The following SBK1 variants were observed in gnomAD, a reference collection of about 807,000 sequenced individuals.
SBK1 encodes the protein SH3 domain binding kinase 1.
SBK1 carries 11 observed loss-of-function variants against 24.4 expected under a neutral mutation model. The ratio of observed to expected loss-of-function variants is 0.45; its 90% confidence interval spans 0.28 to 0.75. SBK1 has a LOEUF of 0.75. Among genes scored for constraint, SBK1 ranks in the 30% least tolerant of loss-of-function variants. The pLI is 0.12. For missense variants in SBK1, 467 were observed against 620.5 expected, an observed-to-expected ratio of 0.75 and a Z score of 2.63; for synonymous variants, 308 against 284.4, an observed-to-expected ratio of 1.08 and a Z score of -0.83.
chr16:28,296,747 C>T (rs1178382572), intron 1 of SBK1, among the ~76,000 whole-genome samples: 1 of 152,134 alleles, frequency 6.6e-6, no homozygotes, highest in African/African-American at 2.4e-5. Flanking sequence ...CTAGTGACAT[C>T]CAGCAACCAA....
chr16:28,265,405 CA>C (rs2044422350), intron 1 of SBK1, among the ~76,000 whole-genome samples: 1 of 151,690 alleles, frequency 6.6e-6, no homozygotes, highest in Admixed American at 6.6e-5. Flanking sequence ...GGAGACAGAG[CA>C]AAACTCTCTC....
intron 1 of SBK1, among the ~76,000 whole-genome samples, chr16:28,282,113 T>A (rs2044536471): frequency 6.6e-6 from 1 of 152,132 alleles, no homozygotes; most frequent in Non-Finnish European, 1.5e-5. Context: ...GACTCATCCC[T>A]GAGATGGGAG....
chr16:28,299,065 G>T (rs1344320117), intron 1 of SBK1, among the ~76,000 whole-genome samples: 2 of 152,162 alleles, frequency 1.3e-5, no homozygotes, highest in Non-Finnish European at 2.9e-5. Flanking sequence ...CCTGACCCTA[G>T]GTGTCTCCAG....
chr16:28,283,710 G>A (rs1202384345), intron 1 of SBK1, among the ~76,000 whole-genome samples: 17 of 152,156 alleles, frequency 1.1e-4, no homozygotes, highest in Admixed American at 9.8e-4. Flanking sequence ...CAGAGGAAAC[G>A]GGGGTTCTGT....
chr16:28,303,905 G>T (rs117897997), intron 1 of SBK1, among the ~76,000 whole-genome samples: 2 of 152,252 alleles, frequency 1.3e-5, no homozygotes, highest in East Asian at 3.9e-4. Context: ...GAGGGTGAGG[G>T]AGCTAGTGAC....
At position 28,318,981 on chromosome 16, in the gene SBK1, G is replaced by A. The variant is rs546943056; in HGVS notation, c.227-14G>A. On this transcript the variant is annotated splice_polypyrimidine_tract_variant and intron_variant, in intron 2 of 3. Transcript: ENST00000341901. ...GAGAGGGGGCTTCAACCCTGTTGCTGTTGCTCCCATCAGGCACAAAAATGG... is the reference window on the plus strand; with the variant it reads ...GAGAGGGGGCTTCAACCCTGTTGCTATTGCTCCCATCAGGCACAAAAATGG... The A allele has an allele frequency of 6.2e-6, 10 of 1,610,912 alleles. No homozygotes were observed. The highest frequency in any genetic ancestry group is 5.3e-5 in the African/African-American group (4 of 74,944).
Position 28,269,183 on chromosome 16 carries a change from G to A in SBK1, c.257+9681G>A, listed in dbSNP as rs570606261. 9.2e-5 allele frequency among the ~76,000 whole-genome samples: 14 copies of A among 151,918 alleles called. No homozygotes were observed. In the South Asian group the frequency reaches 1.5e-3, roughly 16 times the overall value. ...TGAGTAGCTGGGATTAAAAGCGCCC[G>A]CCACCATGCCTGGCTCACTTTTGTA... On this transcript the variant is annotated intron_variant, in intron 1 of 3. Coordinates refer to the SBK1 transcript ENST00000671413.
At chr16:28,290,079 C>G (rs2044589208), upstream of SBK1, among the ~76,000 whole-genome samples, 1 of 144,340 alleles carries the variant, frequency 6.9e-6, no homozygotes, top group African/African-American at 2.7e-5. Flanking sequence ...AAGTGAGACC[C>G]TGTCTCAAAA....
intron 1 of SBK1, among the ~76,000 whole-genome samples, chr16:28,300,769 A>G (rs549459745): frequency 5.9e-5 from 9 of 152,242 alleles, no homozygotes; most frequent in Admixed American, 2.0e-4. Flanking sequence ...AATGTTGGCT[A>G]TTACTAATAG....
chr16:28,295,004 G>T (rs2044628728), intron 1 of SBK1, among the ~76,000 whole-genome samples: 1 of 152,214 alleles, frequency 6.6e-6, no homozygotes, highest in Non-Finnish European at 1.5e-5. Context: ...TCGAAATTGG[G>T]CAGGACAAGC....
upstream of SBK1, among the ~76,000 whole-genome samples, chr16:28,288,094 C>G (rs1482465163): frequency 6.6e-6 from 1 of 152,078 alleles, no homozygotes; most frequent in East Asian, 1.9e-4. Context: ...TGTACTAGAT[C>G]TAACACGTGG....
At chr16:28,315,903 T>TTATAGG (rs1312557736) in intron 1 of SBK1, among the ~76,000 whole-genome samples, 1 of 152,068 alleles carries the variant, frequency 6.6e-6, no homozygotes, top group African/African-American at 2.4e-5. Context: ...GTAGCTGGGA[T>TTATAGG]TACAGGCGTG....
chr16:28,317,526 C>T lies in SBK1; in HGVS notation c.135C>T (p.Ala45=), dbSNP rs112512763. Residue 45 remains alanine (A), a synonymous_variant, in exon 2 of 4, where the codon GCC becomes GCT. Coordinates refer to ENST00000341901, the MANE Select transcript of SBK1 (RefSeq NM_001024401.3). This position sits in a 1 kb window ranked among gnomAD's most constrained non-coding sequence, Gnocchi z 4.2. ...AGGCCCTGACTCTCCGCACACTGGCCGCCAGCGACGTCACCAAGCACTACG... is the reference window on the plus strand; with the variant it reads ...AGGCCCTGACTCTCCGCACACTGGCTGCCAGCGACGTCACCAAGCACTACG... The part of the protein sequence containing the change: ...DMQALTLRTL[A]ASDVTKHYEL... 2.5e-4 allele frequency: 410 copies of T among 1,614,170 alleles called. 4 individuals are homozygous for T. The South Asian group carries it at 2.8e-3, about 11-fold the overall frequency.
At chr16:28,297,673 C>T (rs1422167789) in intron 1 of SBK1, among the ~76,000 whole-genome samples, 3 of 152,178 alleles carry the variant, frequency 2.0e-5, no homozygotes, top group Non-Finnish European at 2.9e-5. Flanking sequence ...ATTAAGCAGG[C>T]TAAAGAATGG....
In SBK1 at chr16:28,292,544, G is replaced by T. The variant is rs1157623537; in HGVS notation, c.-764G>T. On this transcript the variant is annotated 5_prime_UTR_variant, in exon 1 of 4. Transcript: ENST00000341901. The stretch of plus-strand genomic sequence containing the variant: ...AGCCGCGATGCCGCGATGGAGCGCA[G>T]CCCGGGCGGGCGCCGGGGCCGGGGC... 8 of 979,208 alleles carry T rather than the reference G, an allele frequency of 8.2e-6. 1 individual carries two copies. The highest frequency in any genetic ancestry group is 8.5e-6 in the Non-Finnish European group (7 of 827,308). The allele number at this position is 979,208 out of a possible 1,614,324, so 60.7% of individuals were successfully genotyped here.
chr16:28,261,566 G>C (rs368342128), intron 1 of SBK1, among the ~76,000 whole-genome samples: 4 of 151,980 alleles, frequency 2.6e-5, no homozygotes, highest in African/African-American at 9.7e-5. Context: ...GAAGTTCGAG[G>C]CTGCACTGAG....
chr16:28,308,777 G>GTGTGTGTGT (rs1038949037), intron 1 of SBK1, among the ~76,000 whole-genome samples: 3 of 146,928 alleles, frequency 2.0e-5, no homozygotes, highest in Non-Finnish European at 3.0e-5. Context: ...GTGTGTGTGT[G>GTGTGTGTGT]TGTTTGTTTT....
At chr16:28,268,323 G>T (rs2044443112) in intron 1 of SBK1, among the ~76,000 whole-genome samples, 1 of 151,900 alleles carries the variant, frequency 6.6e-6, no homozygotes, top group South Asian at 2.1e-4. Flanking sequence ...GCTCACTGCA[G>T]CCTCCACTTC....
At chr16:28,287,635 T>C (rs1032141535), upstream of SBK1, among the ~76,000 whole-genome samples, 2 of 151,516 alleles carry the variant, frequency 1.3e-5, no homozygotes, top group Non-Finnish European at 2.9e-5. Context: ...GCTACTTCTT[T>C]TTTTGTTTTT....
Sources: gnomAD v4.1 joint callset for allele counts (sites outside exome capture counted in the v4.1 genomes callset) on GRCh38, gnomAD v4.1.1 for gene constraint, Gnocchi (gnomAD v3.1) non-coding constraint, MANE v1.5 for transcripts, NCBI Gene and HGNC (gene_info 2026-07-23, HGNC 2026-07-21) for gene names.